Variants in CNTN5 observed in about 807,000 individuals in gnomAD.
CNTN5 encodes the protein contactin 5.
A neutral mutation model predicts 129.1 loss-of-function variants in CNTN5; 77 were observed. The ratio of observed to expected loss-of-function variants is 0.60; its 90% CI spans 0.50 to 0.72. The LOEUF (loss-of-function observed/expected upper bound fraction) is 0.72. Ranked by LOEUF, CNTN5 falls within the 30% of genes least tolerant of loss-of-function variation. The pLI, the probability that CNTN5 is intolerant of heterozygous loss-of-function variation, is 0.00. For synonymous variants in CNTN5, 509 were observed against 465.6 expected, an observed-to-expected ratio of 1.09 and a Z score of -1.20; for missense variants, 1,478 against 1,328.8, an observed-to-expected ratio of 1.11 and a Z score of -1.75.
intron 9 of CNTN5, among the ~76,000 whole-genome samples, chr11:100,004,189 T>G: frequency 6.6e-6 from 1 of 152,222 alleles, no homozygotes; most frequent in East Asian, 1.9e-4. Context: ...TATCTGTCAC[T>G]GGATATCGTC....
At chr11:100,355,449 G>T (rs1952500798) in intron 24 of CNTN5, among the ~76,000 whole-genome samples, 1 of 151,704 alleles carries the variant, frequency 6.6e-6, no homozygotes, top group Non-Finnish European at 1.5e-5. Context: ...TATTCTGTAA[G>T]TAGGAGTACA....
At chr11:99,196,972 A>G (rs12293677) in intron 1 of CNTN5, among the ~76,000 whole-genome samples, 5,467 of 151,958 alleles carry the variant, frequency 0.036, 138 homozygotes, top group Middle Eastern at 0.065. Flanking sequence ...AAATACACAA[A>G]CCAGATGCTA....
intron 4 of CNTN5, among the ~76,000 whole-genome samples, chr11:99,843,790 G>C (rs1460321511): frequency 2.0e-5 from 3 of 152,032 alleles, no homozygotes; most frequent in African/African-American, 7.2e-5. Context: ...AACATCAATG[G>C]TACAGAGACT....
chr11:99,459,779 T>A (rs148326238), intron 2 of CNTN5, among the ~76,000 whole-genome samples: 1,750 of 152,122 alleles, frequency 0.012, 30 homozygotes, highest in African/African-American at 0.04. Flanking sequence ...TGGCAATGTG[T>A]CTTATGAGAG....
chr11:100,106,076 G>T (rs1945421619), intron 13 of CNTN5, among the ~76,000 whole-genome samples: 1 of 152,160 alleles, frequency 6.6e-6, no homozygotes, highest in African/African-American at 2.4e-5. Flanking sequence ...GTTCAAACCA[G>T]TGCTGCTGAT....
intron 3 of CNTN5, among the ~76,000 whole-genome samples, chr11:99,783,824 G>A (rs1317702384): frequency 6.6e-6 from 1 of 151,522 alleles, no homozygotes; most frequent in Non-Finnish European, 1.5e-5. Context: ...CTGTTGTGGG[G>A]TGGGTGGAGT....
At chr11:99,969,795 G>A (rs1181927438) in intron 8 of CNTN5, among the ~76,000 whole-genome samples, 1 of 151,982 alleles carries the variant, frequency 6.6e-6, no homozygotes, top group Non-Finnish European at 1.5e-5. Context: ...TTATATGTCT[G>A]TCCACCCAGT....
intron 20 of CNTN5, 49 bp from the exon 21 acceptor site, chr11:100,308,310 T>C: frequency 6.4e-7 from 1 of 1,562,422 alleles, no homozygotes; most frequent in Non-Finnish European, 8.7e-7. Context: ...GCGCAATACT[T>C]TGATGGACAT....
At position 100,255,804 on chromosome 11, in the gene CNTN5, G is replaced by A. The variant is rs200579368; in HGVS notation, c.2050G>A (p.Glu684Lys). The change falls in exon 17 of 25, where the codon GAA (glutamate) becomes AAA (lysine). Residue 684 changes from glutamate to lysine, a missense_variant. Transcript: ENST00000524871. ...PGIVIVEEIT[E>K]STATLSWSPA... ...GATAGTAATTGTTGAGGAAATAACC[G>A]AAAGTACGGCCACACTGTCCTGGAG... is the stretch of plus-strand genomic sequence containing the variant. The A allele has an allele frequency of 4.0e-5, 65 of 1,613,814 alleles. No homozygotes were observed. The highest frequency in any genetic ancestry group is 1.7e-4 in the Middle Eastern group (1 of 6,060).
intron 2 of CNTN5, among the ~76,000 whole-genome samples, chr11:99,395,893 T>C (rs1565547217): frequency 1.3e-5 from 2 of 151,988 alleles, no homozygotes; most frequent in Non-Finnish European, 2.9e-5. Flanking sequence ...TTCTGTTCCA[T>C]TGGTCTATGT....
intron 1 of CNTN5, among the ~76,000 whole-genome samples, chr11:99,095,171 TA>T (rs1051680545): frequency 1.3e-5 from 2 of 151,870 alleles, no homozygotes; most frequent in Non-Finnish European, 2.9e-5. Flanking sequence ...AGGTCACACC[TA>T]AAAAATATTA....
intron 3 of CNTN5, among the ~76,000 whole-genome samples, chr11:99,749,211 A>G (rs1307181708): frequency 1.3e-5 from 2 of 152,104 alleles, no homozygotes; most frequent in Non-Finnish European, 2.9e-5. Context: ...AATAAAAAAT[A>G]CTCTGGTCCC....
intron 13 of CNTN5, among the ~76,000 whole-genome samples, chr11:100,173,846 G>A (rs979961647): frequency 6.6e-6 from 1 of 152,084 alleles, no homozygotes; most frequent in Non-Finnish European, 1.5e-5. Context: ...TAAGTAAGAC[G>A]CTGGTCCCTT....
chr11:100,237,324 A>G (rs192427045), intron 16 of CNTN5, among the ~76,000 whole-genome samples: 1 of 152,262 alleles, frequency 6.6e-6, no homozygotes, highest in African/African-American at 2.4e-5. Context: ...TCTAGTCTCT[A>G]TTCCCCAATC....
intron 1 of CNTN5, among the ~76,000 whole-genome samples, chr11:99,267,590 A>T (rs1388196678): frequency 2.0e-5 from 3 of 152,002 alleles, no homozygotes; most frequent in Admixed American, 2.0e-4. Context: ...TATTGATTTG[A>T]TAAAAGCAAA....
At chr11:99,579,924 T>G (rs1427367094) in intron 3 of CNTN5, among the ~76,000 whole-genome samples, 1 of 150,176 alleles carries the variant, frequency 6.7e-6, no homozygotes, top group Non-Finnish European at 1.5e-5. Flanking sequence ...TCAAAGAGAA[T>G]GCTTCCAGTT....
At chr11:99,870,448 A>G (rs757878304) in intron 6 of CNTN5, among the ~76,000 whole-genome samples, 3 of 152,188 alleles carry the variant, frequency 2.0e-5, no homozygotes, top group Non-Finnish European at 4.4e-5. Flanking sequence ...ATGGATATAA[A>G]TGTCATTTTT....
chr11:100,131,030 G>T (rs1185526583), intron 13 of CNTN5, among the ~76,000 whole-genome samples: 3 of 152,018 alleles, frequency 2.0e-5, no homozygotes, highest in Non-Finnish European at 2.9e-5. Flanking sequence ...GCTACCTAAG[G>T]GGTCTCCCTG....
rs374969168 is a variant in CNTN5 at position 99,599,596 on chromosome 11, A to G, written c.55+43327A>G. On this transcript the variant is annotated intron_variant, in intron 3 of 24. Transcript: ENST00000524871. ...AAGTAAAGTGAGTTATACTAATTATATGTAAAACATTTTATCACATATTAA... is the reference window on the plus strand; with the variant it reads ...AAGTAAAGTGAGTTATACTAATTATGTGTAAAACATTTTATCACATATTAA... Among the ~76,000 whole-genome samples the G allele has an allele frequency of 1.1e-3, 168 of 152,276 alleles. 2 individuals are homozygous for G. The highest frequency in any genetic ancestry group is 3.8e-3 in the African/African-American group (158 of 41,558).
Sources: allele counts gnomAD v4.1 joint callset (sites outside exome capture counted in the v4.1 genomes callset), GRCh38; gene constraint gnomAD v4.1.1; transcripts MANE v1.5; gene names NCBI Gene and HGNC (gene_info 2026-07-23, HGNC 2026-07-21).